TTC7B: variants seen among roughly 807,000 people sequenced by gnomAD.
TTC7B encodes tetratricopeptide repeat domain 7B.
Under a neutral mutation model 106.8 loss-of-function variants are expected in TTC7B, and 28 were observed. The ratio of observed to expected loss-of-function variants is 0.26; its 90% CI spans 0.19 to 0.36. The LOEUF is 0.36. Among genes scored for constraint, TTC7B ranks in the 10% least tolerant of loss-of-function variants. TTC7B has a pLI of 1.00. For missense variants in TTC7B, 862 were observed against 1,076.4 expected (o/e 0.80, Z 2.79); for synonymous variants, 405 against 430.6 (o/e 0.94, Z 0.74).
rs1025723808 is a variant in TTC7B, at chr14:90,592,495, G to A, written c.2107+991C>T. ...AGGCCAAGGTGGACGGATCACCTGA[G>A]GTCAGGAGTTCGAGACCAGCCTGGC... is the stretch of plus-strand genomic sequence containing the variant. On this transcript the variant is annotated intron_variant, in intron 18 of 19. Coordinates refer to ENST00000328459, the MANE Select transcript of TTC7B (RefSeq NM_001010854.2). 2.0e-5 allele frequency among the ~76,000 whole-genome samples: 3 copies of A among 152,134 alleles called. No homozygotes were observed. In the South Asian group the frequency reaches 6.2e-4, roughly 31 times the overall value.
chr14:90,745,313 A>AAAGAAGAAGAAG (rs1555395559), intron 3 of TTC7B, among the ~76,000 whole-genome samples: 2 of 135,994 alleles, frequency 1.5e-5, no homozygotes, highest in African/African-American at 5.5e-5. Flanking sequence ...AAAAAAAAAA[A>AAAGAAGAAGAAG]AAGAAGAAGA....
Position 90,766,668 on chromosome 14 carries a change from G to T in TTC7B, c.445+14070C>A. The T allele has an allele frequency of 3.8e-6, 5 of 1,310,434 alleles. No individual in the cohort carries two copies. In the South Asian group the frequency reaches 5.9e-5, roughly 15 times the overall value. 81.2% of individuals were successfully genotyped at this position (1,310,434 alleles called of 1,614,324 possible). On this transcript the variant is annotated intron_variant, in intron 3 of 19. Transcript: ENST00000328459. ...AAAGATATGTTCATGTGGTGTTGAG[G>T]AAAGCAGACATTGACTGCACCAAGA...
chr14:90,725,861 C>T (rs1889080858), intron 5 of TTC7B, among the ~76,000 whole-genome samples: 1 of 152,256 alleles, frequency 6.6e-6, no homozygotes, highest in Admixed American at 6.5e-5. Context: ...ACACAGCTAA[C>T]AAGAAGCAAG....
chr14:90,739,966 A>G (rs1466055668), intron 4 of TTC7B, among the ~76,000 whole-genome samples: 1 of 152,226 alleles, frequency 6.6e-6, no homozygotes, highest in Non-Finnish European at 1.5e-5. Flanking sequence ...AGATAAACTA[A>G]TCAAGGCCAT....
chr14:90,667,437 G>A (rs538974014), intron 9 of TTC7B, among the ~76,000 whole-genome samples: 13 of 152,216 alleles, frequency 8.5e-5, no homozygotes, highest in Admixed American at 2.6e-4. Context: ...TAAGAATTGC[G>A]TTTATAGCTG....
intron 5 of TTC7B, among the ~76,000 whole-genome samples, chr14:90,708,225 G>A (rs915613150): frequency 6.6e-6 from 1 of 150,614 alleles, no homozygotes. Flanking sequence ...TTATCCAGAA[G>A]TTCTAGCTGA....
rs1891244218 is a variant in TTC7B, at chr14:90,575,869, T to C, written c.2310+2237A>G. 6.6e-6 allele frequency among the ~76,000 whole-genome samples: 1 copy of C among 152,164 alleles called. No homozygotes were observed. The highest frequency in any genetic ancestry group is 2.1e-4 in the South Asian group (1 of 4,826). On this transcript the variant is annotated intron_variant, in intron 19 of 19. Coordinates refer to ENST00000328459, the MANE Select transcript of TTC7B (RefSeq NM_001010854.2). The surrounding 1 kb of genome is among the most constrained non-coding windows in gnomAD (Gnocchi z 5.2). ...CACGGAGAGAGGTTTTAATAGTTTA[T>C]TATGATGACCCCTCTCTACTGGCAA... is the stretch of plus-strand genomic sequence containing the variant.
chr14:90,691,914 C>T (rs57558672), intron 6 of TTC7B, among the ~76,000 whole-genome samples: 2 of 152,240 alleles, frequency 1.3e-5, no homozygotes, highest in Non-Finnish European at 2.9e-5. Flanking sequence ...TGCTTTCTGG[C>T]TCCATGGATT....
At chr14:90,602,957 G>A (rs1243994163) in intron 17 of TTC7B, among the ~76,000 whole-genome samples, 1 of 152,170 alleles carries the variant, frequency 6.6e-6, no homozygotes, top group African/African-American at 2.4e-5. Context: ...AGTGCCAGGA[G>A]TGCTTCTCAC....
At position 90,730,112 on chromosome 14, in the gene TTC7B, C is replaced by G; in HGVS notation, c.661G>C (p.Gly221Arg). 6.2e-7 allele frequency: 1 copy of G among 1,613,682 alleles called. No homozygotes were observed. The highest frequency in any genetic ancestry group is 8.5e-7 in the Non-Finnish European group (1 of 1,179,862). The stretch of plus-strand genomic sequence containing the variant: ...TAGAGGACATGGGCTCTCTGAAGTC[C>G]TGTTTCTAGGAAAAAACCTAGTTCT... ...DQELGFFLET[G>R]LQRAHVLYFK... Residue 221 changes from glycine to arginine, a missense_variant, in exon 5 of 20, where the codon GGA (glycine) becomes CGA (arginine). Coordinates refer to ENST00000328459, the MANE Select transcript of TTC7B (RefSeq NM_001010854.2).
At chr14:90,639,563 G>A (rs1280126809) in intron 15 of TTC7B, among the ~76,000 whole-genome samples, 4 of 152,182 alleles carry the variant, frequency 2.6e-5, no homozygotes, top group African/African-American at 9.7e-5. Context: ...TGGAACCACA[G>A]GGCTCTTGAG....
At chr14:90,622,813 C>A (rs149316398) in intron 15 of TTC7B, among the ~76,000 whole-genome samples, 18 of 152,200 alleles carry the variant, frequency 1.2e-4, no homozygotes, top group African/African-American at 3.9e-4. Flanking sequence ...AAGAACCTTG[C>A]TAAAATACCA....
chr14:90,633,182 T>A (rs996486699), intron 15 of TTC7B, among the ~76,000 whole-genome samples: 3 of 152,260 alleles, frequency 2.0e-5, no homozygotes, highest in African/African-American at 4.8e-5. Flanking sequence ...TACAGCATCA[T>A]GATCACATAC....
chr14:90,650,588 A>G (rs755496597), intron 13 of TTC7B, among the ~76,000 whole-genome samples: 2 of 152,192 alleles, frequency 1.3e-5, no homozygotes, highest in African/African-American at 4.8e-5. Context: ...CTGTGCCACA[A>G]TGAGTGATAA....
chr14:90,703,955 GAGA>G (rs1439800482), intron 5 of TTC7B, among the ~76,000 whole-genome samples: 1 of 152,222 alleles, frequency 6.6e-6, no homozygotes, highest in East Asian at 1.9e-4. Flanking sequence ...GGAGGCTCAT[GAGA>G]AGAAGGACTG....
Position 90,578,133 on chromosome 14 carries a change from G to A in TTC7B, c.2283C>T (p.Pro761=). The part of the protein sequence containing the change: ...RWYEEALAIS[P]THVKSMQRLA... ...GTCGCTGCATGCTCTTCACGTGGGT[G>A]GGGCTGATGGCTAAGGCCTCTTCAT... is the stretch of plus-strand genomic sequence containing the variant. The change falls in exon 19 of 20, where the codon CCC becomes CCT. Residue 761 remains proline (P), a synonymous_variant. Transcript: ENST00000328459. This position sits in a 1 kb window ranked among gnomAD's most constrained non-coding sequence, Gnocchi z 4.7. 3 of 1,612,416 alleles carry A rather than the reference G, an allele frequency of 1.9e-6. No individual in the cohort carries two copies. The highest frequency in any genetic ancestry group is 2.2e-5 in the East Asian group (1 of 44,842).
At chr14:90,767,081 C>G in intron 3 of TTC7B, 2 of 654,790 alleles carry the variant, frequency 3.1e-6, no homozygotes, top group Non-Finnish European at 5.1e-6. Context: ...GGGCTGGGTG[C>G]AGTAGCTCAC....
At chr14:90,721,607 T>C (rs770595123) in intron 5 of TTC7B, among the ~76,000 whole-genome samples, 3 of 152,276 alleles carry the variant, frequency 2.0e-5, no homozygotes, top group Non-Finnish European at 4.4e-5. Flanking sequence ...GTGTAATATA[T>C]TGCTATGCTG....
At position 90,624,484 on chromosome 14, in the gene TTC7B, C is replaced by T. The variant is rs1884352480; in HGVS notation, c.1752-6439G>A. 6.6e-6 allele frequency among the ~76,000 whole-genome samples: 1 copy of T among 152,194 alleles called. No individual in the cohort carries two copies. Among genetic ancestry groups the T allele is most frequent in the Non-Finnish European group, 1.5e-5 (1 of 68,046 alleles). ...CTGACTCGCTGGAAACTGCTCCCAA[C>T]CACTGGACATGCACCTCTAGTACCT... On this transcript the variant is annotated intron_variant, in intron 15 of 19. Coordinates refer to ENST00000328459, the MANE Select transcript of TTC7B (RefSeq NM_001010854.2). The surrounding 1 kb of genome is among the most constrained non-coding windows in gnomAD (Gnocchi z 4.0).
Sources: gnomAD v4.1 joint callset for allele counts (sites outside exome capture counted in the v4.1 genomes callset) on GRCh38, gnomAD v4.1.1 for gene constraint, Gnocchi (gnomAD v3.1) non-coding constraint, MANE v1.5 for transcripts, NCBI Gene and HGNC (gene_info 2026-07-23, HGNC 2026-07-21) for gene names.